PKNOX2: variants seen among roughly 807,000 people sequenced by gnomAD.
The protein encoded by PKNOX2 is PBX/knotted 1 homeobox 2.
Under a neutral mutation model 53.1 loss-of-function variants are expected in PKNOX2, and 14 were observed. The ratio of observed to expected loss-of-function variants is 0.26; its 90% CI spans 0.17 to 0.41. The LOEUF (loss-of-function observed/expected upper bound fraction) is 0.41. Ranked by LOEUF, PKNOX2 falls within the 10% of genes least tolerant of loss-of-function variation. The pLI, the probability that PKNOX2 is intolerant of heterozygous loss-of-function variation, is 1.00. For synonymous variants in PKNOX2, 257 were observed against 242.8 expected, an observed-to-expected ratio of 1.06 and a Z score of -0.54; for missense variants, 496 against 602.8, an observed-to-expected ratio of 0.82 and a Z score of 1.85.
At chr11:125,265,378 G>A (rs555637419) in intron 2 of PKNOX2, among the ~76,000 whole-genome samples, 3 of 152,158 alleles carry the variant, frequency 2.0e-5, no homozygotes, top group Admixed American at 6.5e-5. Flanking sequence ...GCTGATTTCC[G>A]ATTCAATGAA....
chr11:125,391,150 C>T (rs1954027863), intron 6 of PKNOX2, among the ~76,000 whole-genome samples: 1 of 152,180 alleles, frequency 6.6e-6, no homozygotes, highest in Non-Finnish European at 1.5e-5. Flanking sequence ...AGGAATGTGC[C>T]TGCAAAACAA....
chr11:125,184,604 C>G (rs1300679145), intron 1 of PKNOX2, among the ~76,000 whole-genome samples: 6 of 152,300 alleles, frequency 3.9e-5, no homozygotes. Context: ...GCAGCATGCT[C>G]TAGGGGAGCA....
At chr11:125,177,569 C>T (rs562559719) in intron 1 of PKNOX2, among the ~76,000 whole-genome samples, 1 of 152,188 alleles carries the variant, frequency 6.6e-6, no homozygotes, top group African/African-American at 2.4e-5. Context: ...AGCAATGTCC[C>T]TGTGCAGGGG....
intron 5 of PKNOX2, among the ~76,000 whole-genome samples, chr11:125,383,545 A>G (rs1281531460): frequency 6.6e-6 from 1 of 151,826 alleles, no homozygotes; most frequent in East Asian, 1.9e-4. Context: ...TGAACCCTGG[A>G]GGCAGAGGTT....
intron 10 of PKNOX2, among the ~76,000 whole-genome samples, chr11:125,423,411 G>C (rs1264252531): frequency 6.6e-6 from 1 of 152,076 alleles, no homozygotes; most frequent in Non-Finnish European, 1.5e-5. Context: ...AGCATTATTA[G>C]TGAGTAGAGC....
intron 3 of PKNOX2, among the ~76,000 whole-genome samples, chr11:125,339,478 G>A (rs936904647): frequency 2.6e-5 from 4 of 152,168 alleles, no homozygotes; most frequent in Non-Finnish European, 2.9e-5. Context: ...TAGCCTGTGC[G>A]TCATGGACAG....
intron 1 of PKNOX2, among the ~76,000 whole-genome samples, chr11:125,208,162 A>G (rs1401865151): frequency 1.3e-5 from 2 of 152,114 alleles, no homozygotes; most frequent in Admixed American, 1.3e-4. Flanking sequence ...AAGGAGGAGT[A>G]GAGTTCTAAT....
intron 2 of PKNOX2, among the ~76,000 whole-genome samples, chr11:125,250,945 C>T (rs1438201684): frequency 6.6e-6 from 1 of 152,234 alleles, no homozygotes; most frequent in Non-Finnish European, 1.5e-5. Context: ...ATGGGGGACC[C>T]CTGGCCGTGC....
At chr11:125,216,629 C>T (rs548326750) in intron 1 of PKNOX2, among the ~76,000 whole-genome samples, 1 of 152,320 alleles carries the variant, frequency 6.6e-6, no homozygotes, top group South Asian at 2.1e-4. Context: ...AACTGAGAGA[C>T]ACCCGGGCAG....
Position 125,324,388 on chromosome 11 carries a change from T to C in PKNOX2, c.-129-7431T>C, listed in dbSNP as rs145420765. Among the ~76,000 whole-genome samples, 1,419 of 152,326 alleles carry C rather than the reference T, an allele frequency of 9.3e-3. 14 individuals carry two copies. Among genetic ancestry groups the C allele is most frequent in the Non-Finnish European group, 0.017 (1,157 of 68,010 alleles). On this transcript the variant is annotated intron_variant, in intron 2 of 12. Transcript: ENST00000298282. ...GATCAGCATGTGGTGTGTTATACACTCCACATGTCCTCTGCTGAATATATA... is the reference window on the plus strand; with the variant it reads ...GATCAGCATGTGGTGTGTTATACACCCCACATGTCCTCTGCTGAATATATA...
intron 1 of PKNOX2, among the ~76,000 whole-genome samples, chr11:125,179,187 C>T (rs1398006235): frequency 6.6e-6 from 1 of 152,114 alleles, no homozygotes; most frequent in Non-Finnish European, 1.5e-5. Flanking sequence ...GAGCATGTGC[C>T]CAGCATTATC....
At chr11:125,391,273 CA>C (rs962663396) in intron 6 of PKNOX2, among the ~76,000 whole-genome samples, 3 of 152,142 alleles carry the variant, frequency 2.0e-5, no homozygotes, top group Non-Finnish European at 2.9e-5. Context: ...TGACGAGACT[CA>C]AATGAGATAA....
At chr11:125,373,754 G>A (rs866534443) in intron 5 of PKNOX2, among the ~76,000 whole-genome samples, 1 of 152,198 alleles carries the variant, frequency 6.6e-6, no homozygotes, top group Admixed American at 6.5e-5. Flanking sequence ...TGGTAAATTC[G>A]GAAAGGGGTC....
intron 3 of PKNOX2, among the ~76,000 whole-genome samples, chr11:125,342,417 GC>G (rs1184806801): frequency 6.6e-6 from 1 of 152,068 alleles, no homozygotes; most frequent in East Asian, 1.9e-4. Context: ...CCCCATGCCT[GC>G]TTTCCTCCTC....
At chr11:125,376,157 A>C (rs1157141660) in intron 5 of PKNOX2, among the ~76,000 whole-genome samples, 1 of 152,162 alleles carries the variant, frequency 6.6e-6, no homozygotes, top group Non-Finnish European at 1.5e-5. Flanking sequence ...CCTGGGCCCC[A>C]CACTTGCCGG....
chr11:125,276,491 C>T (rs1355743243), intron 2 of PKNOX2, among the ~76,000 whole-genome samples: 1 of 152,102 alleles, frequency 6.6e-6, no homozygotes, highest in Non-Finnish European at 1.5e-5. Context: ...AGGTATTGAC[C>T]TTGGATGGGA....
intron 1 of PKNOX2, among the ~76,000 whole-genome samples, chr11:125,168,790 T>C (rs1955072023): frequency 6.6e-6 from 1 of 152,188 alleles, no homozygotes; most frequent in Non-Finnish European, 1.5e-5. Flanking sequence ...AGGGGAAAAT[T>C]AGATGTTTAA....
chr11:125,252,411 G>T (rs1255586438), intron 2 of PKNOX2, among the ~76,000 whole-genome samples: 1 of 152,180 alleles, frequency 6.6e-6, no homozygotes, highest in Non-Finnish European at 1.5e-5. Context: ...TCAATATGTG[G>T]AATAGATTGG....
At chr11:125,234,351 T>A (rs1405860643) in intron 1 of PKNOX2, among the ~76,000 whole-genome samples, 5 of 151,720 alleles carry the variant, frequency 3.3e-5, no homozygotes, top group African/African-American at 1.2e-4. Context: ...ATGTGTAGAT[T>A]ACAGAGCAGA....
Sources: gnomAD v4.1 joint callset for allele counts (sites outside exome capture counted in the v4.1 genomes callset) on GRCh38, gnomAD v4.1.1 for gene constraint, MANE v1.5 for transcripts, NCBI Gene and HGNC (gene_info 2026-07-23, HGNC 2026-07-21) for gene names.